Variants in TAX1BP1 observed in about 807,000 individuals in gnomAD.
TAX1BP1 encodes Tax1 binding protein 1.
In TAX1BP1, 62 loss-of-function variants were observed where a neutral mutation model predicts 97.7. The observed-to-expected ratio is 0.63, with a 90% CI of 0.52 to 0.78. The LOEUF (loss-of-function observed/expected upper bound fraction) is 0.78. TAX1BP1 is among the 30% of genes least tolerant of loss of function. The pLI is 0.00. For missense variants in TAX1BP1, 867 were observed against 916.1 expected (o/e 0.95, Z 0.69); for synonymous variants, 340 against 304.2 (o/e 1.12, Z -1.23).
At chr7:27,750,152 C>T (rs1174766803) in intron 2 of TAX1BP1, among the ~76,000 whole-genome samples, 1 of 152,086 alleles carries the variant, frequency 6.6e-6, no homozygotes, top group Non-Finnish European at 1.5e-5. Context: ...TGATTGAGAA[C>T]TGATGTTTTC....
At chr7:27,821,884 T>G (rs1452647933) in intron 15 of TAX1BP1, among the ~76,000 whole-genome samples, 1 of 152,190 alleles carries the variant, frequency 6.6e-6, no homozygotes, top group Non-Finnish European at 1.5e-5. Flanking sequence ...TGTTTATAGA[T>G]TCGTCTGTTC....
intron 4 of TAX1BP1, among the ~76,000 whole-genome samples, chr7:27,767,872 T>G (rs558896102): frequency 6.6e-6 from 1 of 152,142 alleles, no homozygotes; most frequent in Non-Finnish European, 1.5e-5. Flanking sequence ...AATGTTTTTT[T>G]AACAAATATT....
Position 27,799,652 on chromosome 7 carries a change from G to A in TAX1BP1, c.1639-313G>A, listed in dbSNP as rs573969030. Among the ~76,000 whole-genome samples, 5 of 152,164 alleles carry A rather than the reference G, an allele frequency of 3.3e-5. No homozygotes were observed. The South Asian group carries it at 8.3e-4, about 25-fold the overall frequency. Reference sequence around the variant, plus strand: ...AACATATAGATATTGTATTATAACTGTGTAAAACAACTTATAAACAAAAAT... The same window carrying A: ...AACATATAGATATTGTATTATAACTATGTAAAACAACTTATAAACAAAAAT... On this transcript the variant is annotated intron_variant, in intron 12 of 16. Transcript: ENST00000396319.
intron 5 of TAX1BP1, among the ~76,000 whole-genome samples, 164 bp from the exon 6 acceptor site, chr7:27,784,997 AAT>A (rs1162992361): frequency 6.6e-6 from 1 of 152,198 alleles, no homozygotes; most frequent in Non-Finnish European, 1.5e-5. Flanking sequence ...TGAAAATTTA[AAT>A]ATATGTTATC....
At chr7:27,810,525 C>A (rs1790517436) in intron 13 of TAX1BP1, among the ~76,000 whole-genome samples, 1 of 151,996 alleles carries the variant, frequency 6.6e-6, no homozygotes, top group African/African-American at 2.4e-5. Context: ...TTGAGTATGC[C>A]CATTATTGTT....
chr7:27,799,456 A>G (rs1214486107), intron 12 of TAX1BP1, among the ~76,000 whole-genome samples: 1 of 152,208 alleles, frequency 6.6e-6, no homozygotes, highest in African/African-American at 2.4e-5. Flanking sequence ...AAACAACAGC[A>G]TTATAAATAT....
At chr7:27,778,878 T>C (rs1789136220) in intron 5 of TAX1BP1, among the ~76,000 whole-genome samples, 1 of 150,438 alleles carries the variant, frequency 6.6e-6, no homozygotes, top group East Asian at 1.9e-4. Context: ...AAAAAAAGTA[T>C]ACAATTTGGA....
At chr7:27,789,841 C>T (rs572980371) in intron 8 of TAX1BP1, among the ~76,000 whole-genome samples, 3 of 151,862 alleles carry the variant, frequency 2.0e-5, no homozygotes, top group Non-Finnish European at 4.4e-5. Flanking sequence ...TAACAGATTG[C>T]CAGTGCAAAC....
chr7:27,763,093 C>T (rs1289100813), intron 3 of TAX1BP1, among the ~76,000 whole-genome samples: 2 of 152,114 alleles, frequency 1.3e-5, no homozygotes, highest in African/African-American at 2.4e-5. Context: ...ATAAGGAAGT[C>T]AGGGAAAGCT....
rs56820008 is a variant in TAX1BP1 at position 27,792,999 on chromosome 7, G to A, written c.1264-67G>A. 7,633 of 1,356,366 alleles carry A rather than the reference G, an allele frequency of 5.6e-3. 353 individuals carry two copies. In the African/African-American group the frequency reaches 0.1, roughly 18 times the overall value. 84.0% of individuals were successfully genotyped at this position (1,356,366 alleles called of 1,614,324 possible). On this transcript the variant is annotated intron_variant, in intron 9 of 16. Coordinates refer to ENST00000396319, the MANE Select transcript of TAX1BP1 (RefSeq NM_006024.7). ...AAGAAAAAAAGTAAGATTGAAGTTGGGGTTACTATTAACATTAGGAGGTAT... is the reference window on the plus strand; with the variant it reads ...AAGAAAAAAAGTAAGATTGAAGTTGAGGTTACTATTAACATTAGGAGGTAT...
chr7:27,828,881 A>AC lies in TAX1BP1; in HGVS notation c.*54dup, dbSNP rs748309489. The stretch of plus-strand genomic sequence containing the variant: ...TTTAGCAGTAAAAAAAAAAAAAAAA[A>AC]CCACACCTAAAATAGACCACTGAGG... On this transcript the variant is annotated 3_prime_UTR_variant, in exon 17 of 17. Coordinates refer to ENST00000396319, the MANE Select transcript of TAX1BP1 (RefSeq NM_006024.7). 1.5e-6 allele frequency: 2 copies of AC among 1,329,474 alleles called. No homozygotes were observed. Among genetic ancestry groups the AC allele is most frequent in the African/African-American group, 1.5e-5 (1 of 66,572 alleles). 82.4% of individuals were successfully genotyped at this position (1,329,474 alleles called of 1,614,324 possible).
chr7:27,745,967 A>G (rs1235612339), intron 1 of TAX1BP1, among the ~76,000 whole-genome samples: 1 of 152,028 alleles, frequency 6.6e-6, no homozygotes, highest in Non-Finnish European at 1.5e-5. Flanking sequence ...CCTATGTGCT[A>G]TTTTGTACCT....
intron 8 of TAX1BP1, among the ~76,000 whole-genome samples, chr7:27,789,427 A>G (rs1789613894): frequency 6.6e-6 from 1 of 151,862 alleles, no homozygotes; most frequent in Non-Finnish European, 1.5e-5. Context: ...TTTCTTACCT[A>G]TGCCCATAGA....
Position 27,794,355 on chromosome 7 carries a change from G to A in TAX1BP1, c.1443G>A (p.Thr481=), listed in dbSNP as rs376725530. The A allele has an allele frequency of 3.5e-5, 57 of 1,612,266 alleles. No homozygotes were observed. Among genetic ancestry groups the A allele is most frequent in the Non-Finnish European group, 4.7e-5 (56 of 1,179,070 alleles). The part of the protein sequence containing the change: ...ANNNNVFTKK[T]GNQQKVNDAS... Reference sequence around the variant, plus strand: ...ATAATAATGTCTTCACAAAGAAAACGGGGAATCAGCAGAAAGTGAATGATG... The same window carrying A: ...ATAATAATGTCTTCACAAAGAAAACAGGGAATCAGCAGAAAGTGAATGATG... The change falls in exon 11 of 17, where the codon ACG becomes ACA. Residue 481 remains threonine (T), a synonymous_variant. Transcript: ENST00000396319.
At position 27,828,612 on chromosome 7, in the gene TAX1BP1, C is replaced by T; in HGVS notation, c.2169-16C>T. On this transcript the variant is annotated splice_polypyrimidine_tract_variant and intron_variant, in intron 16 of 16. Coordinates refer to ENST00000396319, the MANE Select transcript of TAX1BP1 (RefSeq NM_006024.7). The stretch of plus-strand genomic sequence containing the variant: ...ATTTATTAGAAACATGTAATTCTTT[C>T]ATTTTTCTCTTTAAGCTTTGATGTT... The T allele has an allele frequency of 6.2e-7, 1 of 1,610,560 alleles. No homozygotes were observed. Among genetic ancestry groups the T allele is most frequent in the Non-Finnish European group, 8.5e-7 (1 of 1,177,388 alleles).
At chr7:27,783,699 G>A (rs1323459482) in intron 5 of TAX1BP1, among the ~76,000 whole-genome samples, 1 of 152,060 alleles carries the variant, frequency 6.6e-6, no homozygotes, top group Non-Finnish European at 1.5e-5. Context: ...TTTGTCCTAG[G>A]GAGAAATACT....
intron 4 of TAX1BP1, among the ~76,000 whole-genome samples, chr7:27,767,009 A>G (rs2128311799): frequency 1.3e-5 from 2 of 152,304 alleles, no homozygotes; most frequent in South Asian, 4.1e-4. Context: ...TGGCTTTAAT[A>G]TAAATTTACT....
In TAX1BP1 at chr7:27,792,095, A is replaced by G; in HGVS notation, c.1128A>G (p.Glu376=). 2.5e-6 allele frequency: 4 copies of G among 1,614,096 alleles called. No individual in the cohort carries two copies. Among genetic ancestry groups the G allele is most frequent in the Non-Finnish European group, 2.5e-6 (3 of 1,180,022 alleles). ...AAGAAGTTGTCTTTCTGGCTAAAGA[A>G]CTCAGTGATGCTGTCAACGTACGAG... ...TRQEVVFLAK[E]LSDAVNVRDR... Residue 376 remains glutamate, a synonymous_variant, in exon 9 of 17, where the codon GAA becomes GAG. Coordinates refer to ENST00000396319, the MANE Select transcript of TAX1BP1 (RefSeq NM_006024.7).
chr7:27,821,761 C>G (rs1345369837), intron 15 of TAX1BP1, among the ~76,000 whole-genome samples: 1 of 152,056 alleles, frequency 6.6e-6, no homozygotes, highest in South Asian at 2.1e-4. Flanking sequence ...GTGCAACCAT[C>G]ACCGCATTCA....
Sources: allele counts gnomAD v4.1 joint callset (sites outside exome capture counted in the v4.1 genomes callset), GRCh38; gene constraint gnomAD v4.1.1; transcripts MANE v1.5; gene names NCBI Gene and HGNC (gene_info 2026-07-23, HGNC 2026-07-21).